Variants in KCNQ5 observed in about 807,000 individuals in gnomAD.
The protein encoded by KCNQ5 is potassium voltage-gated channel subfamily Q member 5, also known as potassium voltage-gated channel subfamily KQT member 5.
KCNQ5 carries 30 observed loss-of-function variants against 98.2 expected under a neutral mutation model. The ratio of observed to expected loss-of-function variants is 0.31; its 90% CI spans 0.23 to 0.41. KCNQ5 has a LOEUF of 0.41. KCNQ5 is among the 10% of genes least tolerant of loss of function. The pLI is 1.00. For synonymous variants in KCNQ5, 458 were observed against 449.4 expected (o/e 1.02, Z -0.24); for missense variants, 835 against 1,182.5 (o/e 0.71, Z 4.31).
chr6:72,938,475 G>T (rs1267621102), intron 1 of KCNQ5, among the ~76,000 whole-genome samples: 1 of 152,124 alleles, frequency 6.6e-6, no homozygotes, highest in Non-Finnish European at 1.5e-5. Flanking sequence ...CAACTCCTGG[G>T]TTCAAGCAAT....
chr6:72,874,471 A>G (rs1310923215), intron 1 of KCNQ5, among the ~76,000 whole-genome samples: 3 of 152,172 alleles, frequency 2.0e-5, no homozygotes, highest in African/African-American at 4.8e-5. Flanking sequence ...ATACAATGAG[A>G]TTTTGCAGGA....
chr6:73,038,187 G>C (rs1771525189), intron 2 of KCNQ5, among the ~76,000 whole-genome samples: 1 of 151,836 alleles, frequency 6.6e-6, no homozygotes, highest in Non-Finnish European at 1.5e-5. Flanking sequence ...ATCATTGTTA[G>C]TATAAAGAAA....
Position 72,745,269 on chromosome 6 carries a change from T to A in KCNQ5, c.398+122682T>A, listed in dbSNP as rs1021758581. On this transcript the variant is annotated intron_variant, in intron 1 of 13. Transcript: ENST00000370398. ...AAAGATCAATTAGGAAATTATTGGC[T>A]CCTTCGTACTTCTTTTACCACCTCT... Among the ~76,000 whole-genome samples the A allele has an allele frequency of 2.6e-5, 4 of 152,226 alleles. No individual in the cohort carries two copies. The South Asian group carries it at 8.3e-4, about 32-fold the overall frequency.
chr6:72,994,736 G>C (rs1470005061), intron 1 of KCNQ5, among the ~76,000 whole-genome samples: 1 of 152,144 alleles, frequency 6.6e-6, no homozygotes, highest in Non-Finnish European at 1.5e-5. Flanking sequence ...ATATGATTAA[G>C]AAACAGTGAA....
At chr6:72,777,824 C>T (rs1454831003) in intron 1 of KCNQ5, among the ~76,000 whole-genome samples, 10 of 152,224 alleles carry the variant, frequency 6.6e-5, no homozygotes, top group South Asian at 4.1e-4. Flanking sequence ...ATCTCTGCCC[C>T]GACACACCCT....
At chr6:73,024,094 G>A (rs935068895) in intron 2 of KCNQ5, among the ~76,000 whole-genome samples, 7 of 151,994 alleles carry the variant, frequency 4.6e-5, no homozygotes, top group South Asian at 2.1e-4. Flanking sequence ...GCCTCTTAAC[G>A]CATCAAAGGG....
At chr6:73,090,994 A>G (rs1774221863) in intron 5 of KCNQ5, among the ~76,000 whole-genome samples, 2 of 152,198 alleles carry the variant, frequency 1.3e-5, no homozygotes, top group African/African-American at 4.8e-5. Context: ...AGTATTATAA[A>G]TCATTCTACT....
intron 1 of KCNQ5, among the ~76,000 whole-genome samples, chr6:72,803,840 A>G (rs1290094370): frequency 6.6e-6 from 1 of 152,100 alleles, no homozygotes; most frequent in Non-Finnish European, 1.5e-5. Context: ...GTTATAAATA[A>G]TACTTTTGTT....
chr6:72,760,516 G>A (rs1179219917), intron 1 of KCNQ5, among the ~76,000 whole-genome samples: 2 of 151,824 alleles, frequency 1.3e-5, no homozygotes, highest in African/African-American at 2.4e-5. Flanking sequence ...CCTGTGCATG[G>A]GGTGAGGGGG....
At chr6:73,079,073 G>A (rs561013092) in intron 5 of KCNQ5, among the ~76,000 whole-genome samples, 24 of 152,146 alleles carry the variant, frequency 1.6e-4, no homozygotes, top group East Asian at 1.5e-3. Context: ...AGGCTAAGGC[G>A]GGCCAGTTGC....
intron 1 of KCNQ5, among the ~76,000 whole-genome samples, chr6:72,711,440 T>C (rs1769365925): frequency 6.6e-6 from 1 of 152,122 alleles, no homozygotes; most frequent in South Asian, 2.1e-4. Context: ...AGGAACAACA[T>C]GTGAAAAGCA....
At chr6:72,889,329 C>T (rs930702653) in intron 1 of KCNQ5, among the ~76,000 whole-genome samples, 1 of 151,860 alleles carries the variant, frequency 6.6e-6, no homozygotes, top group Non-Finnish European at 1.5e-5. Flanking sequence ...TTAGATAGGA[C>T]CTTGGAGCCT....
At chr6:72,798,909 T>G in intron 1 of KCNQ5, among the ~76,000 whole-genome samples, 1 of 152,214 alleles carries the variant, frequency 6.6e-6, no homozygotes, top group Admixed American at 6.5e-5. Context: ...GTTCACTTAA[T>G]TTTTAAATTT....
chr6:73,183,414 AAG>A (rs1778467230), intron 11 of KCNQ5, among the ~76,000 whole-genome samples: 1 of 152,174 alleles, frequency 6.6e-6, no homozygotes, highest in Non-Finnish European at 1.5e-5. Flanking sequence ...CCATCCAGCC[AAG>A]CACAACTCTT....
rs117339450 is a variant in KCNQ5 at position 72,765,670 on chromosome 6, C to T, written c.398+143083C>T. On this transcript the variant is annotated intron_variant, in intron 1 of 13. Transcript: ENST00000370398. ...CATGTACTGAGAAATAGGCAGGAGG[C>T]AGCTGATATCAACCTTCCTATATCA... Among the ~76,000 whole-genome samples the T allele has an allele frequency of 5.2e-4, 79 of 152,092 alleles. 1 individual carries two copies. In the East Asian group the frequency reaches 0.012, roughly 24 times the overall value.
At chr6:72,800,726 A>C (rs1479864579) in intron 1 of KCNQ5, among the ~76,000 whole-genome samples, 1 of 152,048 alleles carries the variant, frequency 6.6e-6, no homozygotes, top group Non-Finnish European at 1.5e-5. Flanking sequence ...TTAGGGTGTC[A>C]ATTTTGGATC....
At chr6:72,751,880 T>C (rs1251022834) in intron 1 of KCNQ5, among the ~76,000 whole-genome samples, 1 of 152,118 alleles carries the variant, frequency 6.6e-6, no homozygotes, top group Non-Finnish European at 1.5e-5. Flanking sequence ...CCAAATCATC[T>C]GTAAGTAAGT....
chr6:72,875,115 G>A (rs1017260758), intron 1 of KCNQ5, among the ~76,000 whole-genome samples: 8 of 152,098 alleles, frequency 5.3e-5, no homozygotes, highest in Non-Finnish European at 2.9e-5. Context: ...CTTGTTTTAT[G>A]CATAAAGTGA....
At chr6:73,112,736 T>G (rs574775882) in intron 7 of KCNQ5, among the ~76,000 whole-genome samples, 1 of 152,130 alleles carries the variant, frequency 6.6e-6, no homozygotes, top group South Asian at 2.1e-4. Context: ...TGTTTATCTG[T>G]GACTGTGATA....
Sources: gnomAD v4.1 joint callset for allele counts (sites outside exome capture counted in the v4.1 genomes callset) on GRCh38, gnomAD v4.1.1 for gene constraint, MANE v1.5 for transcripts, NCBI Gene and HGNC (gene_info 2026-07-23, HGNC 2026-07-21) for gene names.